NELL2: variants seen among roughly 807,000 people sequenced by gnomAD.
The protein encoded by NELL2 is neural EGFL like 2.
NELL2 carries 41 observed loss-of-function variants against 109.6 expected under a neutral mutation model. The ratio of observed to expected loss-of-function variants is 0.37; its 90% confidence interval spans 0.29 to 0.49. The LOEUF (loss-of-function observed/expected upper bound fraction) is 0.49. Ranked by LOEUF, NELL2 falls within the 20% of genes least tolerant of loss-of-function variation. The probability of loss-of-function intolerance (pLI) is 0.98; values close to 1 mark genes in which losing one functional copy is unlikely to be tolerated. For missense variants in NELL2, 900 were observed against 1,008.3 expected, an observed-to-expected ratio of 0.89 and a Z score of 1.45; for synonymous variants, 355 against 344.7, an observed-to-expected ratio of 1.03 and a Z score of -0.33.
intron 3 of NELL2, among the ~76,000 whole-genome samples, chr12:44,797,510 C>T (rs1052942202): frequency 6.6e-6 from 1 of 151,898 alleles, no homozygotes; most frequent in Admixed American, 6.6e-5. Flanking sequence ...GAAATAAAAG[C>T]AGAAAGAGTG....
intron 2 of NELL2, among the ~76,000 whole-genome samples, chr12:44,853,800 T>A (rs1944597914): frequency 6.6e-6 from 1 of 152,182 alleles, no homozygotes; most frequent in African/African-American, 2.4e-5. Flanking sequence ...ATTTTTATAG[T>A]ATAATTAGCA....
intron 13 of NELL2, among the ~76,000 whole-genome samples, chr12:44,622,645 T>C (rs542771124): frequency 5.5e-4 from 84 of 152,260 alleles, no homozygotes; most frequent in African/African-American, 2.0e-3. Context: ...GTCTTTCCAA[T>C]GAATTTTAAG....
At chr12:44,834,240 A>G (rs534124759) in intron 2 of NELL2, among the ~76,000 whole-genome samples, 2 of 152,036 alleles carry the variant, frequency 1.3e-5, no homozygotes, top group Non-Finnish European at 2.9e-5. Flanking sequence ...TCTCTCTCAT[A>G]TCTGTACAAT....
intron 16 of NELL2, among the ~76,000 whole-genome samples, chr12:44,525,950 G>A (rs528375514): frequency 6.6e-6 from 1 of 152,248 alleles, no homozygotes; most frequent in South Asian, 2.1e-4. Flanking sequence ...TGAGGCAAGA[G>A]CGTGCTTGAA....
intron 2 of NELL2, among the ~76,000 whole-genome samples, chr12:44,870,266 C>T (rs1032164608): frequency 2.0e-5 from 3 of 152,180 alleles, no homozygotes; most frequent in Non-Finnish European, 2.9e-5. Flanking sequence ...ATAATAGAGT[C>T]ACCAATAACC....
chr12:44,552,686 T>C (rs1318922827), intron 15 of NELL2, among the ~76,000 whole-genome samples: 1 of 152,154 alleles, frequency 6.6e-6, no homozygotes, highest in Admixed American at 6.5e-5. Flanking sequence ...ATTTTTAGTA[T>C]GTGATGTTAA....
At chr12:44,584,720 T>C (rs758550939) in intron 15 of NELL2, among the ~76,000 whole-genome samples, 2 of 152,210 alleles carry the variant, frequency 1.3e-5, no homozygotes, top group Non-Finnish European at 2.9e-5. Flanking sequence ...TGAAAATCCA[T>C]GTTGCTATAA....
chr12:44,731,329 C>T lies in NELL2; in HGVS notation c.995-16588G>A, dbSNP rs530324524. ...TACAAGCCAGTATCCCAGAGAAATACACATGCAAAAATCCTCAACAATACT... is the reference window on the plus strand; with the variant it reads ...TACAAGCCAGTATCCCAGAGAAATATACATGCAAAAATCCTCAACAATACT... On this transcript the variant is annotated intron_variant, in intron 9 of 19. Coordinates refer to ENST00000429094, the MANE Select transcript of NELL2 (RefSeq NM_001145108.2). 4.3e-4 allele frequency among the ~76,000 whole-genome samples: 65 copies of T among 152,118 alleles called. 1 individual carries two copies. In the South Asian group the frequency reaches 0.013, roughly 31 times the overall value.
At chr12:44,729,689 A>G (rs1201446813) in intron 9 of NELL2, among the ~76,000 whole-genome samples, 4 of 150,008 alleles carry the variant, frequency 2.7e-5, no homozygotes, top group Non-Finnish European at 5.9e-5. Context: ...GATAACCAAA[A>G]GCAAGAAGCT....
chr12:44,806,374 C>T lies in NELL2; in HGVS notation c.335+9612G>A, dbSNP rs897101358. Among the ~76,000 whole-genome samples the T allele has an allele frequency of 2.0e-5, 3 of 151,748 alleles. No individual in the cohort carries two copies. In the East Asian group the frequency reaches 5.8e-4, roughly 29 times the overall value. On this transcript the variant is annotated intron_variant, in intron 3 of 19. Coordinates refer to ENST00000429094, the MANE Select transcript of NELL2 (RefSeq NM_001145108.2). ...AGAAAGTAGTTAAGTAGGCACTCTG[C>T]TGATGAGAATGCAACATATTAAAAT...
intron 13 of NELL2, 164 bp downstream of exon 13, chr12:44,665,320 C>T: frequency 1.1e-5 from 6 of 539,410 alleles, no homozygotes; most frequent in Non-Finnish European, 1.5e-5. Flanking sequence ...TGTTTTTTTT[C>T]TTTAGAACAG....
chr12:44,881,752 C>CA (rs1945414246), intron 1 of NELL2: 1 of 151,912 alleles, frequency 6.6e-6, no homozygotes. Context: ...TAAGATGTCT[C>CA]AAATTTGGCA....
chr12:44,686,805 C>G (rs555179834), intron 12 of NELL2, among the ~76,000 whole-genome samples: 1 of 152,336 alleles, frequency 6.6e-6, no homozygotes, highest in South Asian at 2.1e-4. Context: ...GGGAGCGCCA[C>G]TGCTCTCTTC....
At chr12:44,649,311 G>C (rs746907064) in intron 13 of NELL2, among the ~76,000 whole-genome samples, 1 of 151,096 alleles carries the variant, frequency 6.6e-6, no homozygotes, top group Non-Finnish European at 1.5e-5. Flanking sequence ...CACCCACTGC[G>C]TGATTCCAGG....
chr12:44,894,071 C>T (rs1945566385), intron 1 of NELL2, among the ~76,000 whole-genome samples: 1 of 152,034 alleles, frequency 6.6e-6, no homozygotes, highest in African/African-American at 2.4e-5. Context: ...ACACATTGTT[C>T]AATGAAAGTT....
At chr12:44,533,703 C>T (rs931181634) in intron 15 of NELL2, among the ~76,000 whole-genome samples, 5 of 152,124 alleles carry the variant, frequency 3.3e-5, no homozygotes, top group African/African-American at 9.7e-5. Flanking sequence ...CAACACCATC[C>T]GAGTACCTTC....
chr12:44,673,340 A>G (rs565596523), intron 12 of NELL2, among the ~76,000 whole-genome samples: 2 of 152,276 alleles, frequency 1.3e-5, no homozygotes, highest in South Asian at 2.1e-4. Context: ...CAATTCAAAA[A>G]CCTAATATAA....
At chr12:44,614,142 T>C (rs1236808390) in intron 13 of NELL2, among the ~76,000 whole-genome samples, 1 of 152,056 alleles carries the variant, frequency 6.6e-6, no homozygotes, top group Non-Finnish European at 1.5e-5. Context: ...AATGCTATCT[T>C]CATATCCTCA....
chr12:44,611,425 C>T (rs776887405), intron 13 of NELL2, among the ~76,000 whole-genome samples: 10 of 151,978 alleles, frequency 6.6e-5, no homozygotes, highest in East Asian at 3.9e-4. Context: ...AGGTGCCTGC[C>T]GTTAACACCT....
Sources: allele counts gnomAD v4.1 joint callset (sites outside exome capture counted in the v4.1 genomes callset), GRCh38; gene constraint gnomAD v4.1.1; transcripts MANE v1.5; gene names NCBI Gene and HGNC (gene_info 2026-07-23, HGNC 2026-07-21).